Variants in SATB2 observed in about 807,000 individuals in gnomAD.
SATB2 encodes the protein DNA-binding protein SATB2.
Under a neutral mutation model 73.4 loss-of-function variants are expected in SATB2, and 1 was observed. That is an observed-to-expected ratio of 0.01 (90% confidence interval 0.00 to 0.06). SATB2 has a LOEUF of 0.06. Among genes scored for constraint, SATB2 ranks in the 10% least tolerant of loss-of-function variants. SATB2 has a pLI of 1.00. For synonymous variants in SATB2, 397 were observed against 367.0 expected (o/e 1.08, Z -0.93); for missense variants, 459 against 945.8 (o/e 0.49, Z 6.75).
chr2:199,307,424 T>C (rs951080152), intron 10 of SATB2, among the ~76,000 whole-genome samples: 1 of 151,980 alleles, frequency 6.6e-6, no homozygotes, highest in Non-Finnish European at 1.5e-5. Flanking sequence ...GCCCTGGTGG[T>C]GGATGAGACT....
At chr2:199,382,192 G>A (rs949626783) in intron 3 of SATB2, among the ~76,000 whole-genome samples, 1 of 152,164 alleles carries the variant, frequency 6.6e-6, no homozygotes, top group Non-Finnish European at 1.5e-5. Flanking sequence ...TAAGCCTTAA[G>A]TAAATATAAG....
chr2:199,338,982 T>G (rs1282315724), intron 7 of SATB2, among the ~76,000 whole-genome samples: 1 of 151,990 alleles, frequency 6.6e-6, no homozygotes, highest in Non-Finnish European at 1.5e-5. Flanking sequence ...GTTTGCTTCT[T>G]CTGATTCTCT....
chr2:199,304,536 T>G (rs1168030454), intron 10 of SATB2, among the ~76,000 whole-genome samples: 1 of 152,140 alleles, frequency 6.6e-6, no homozygotes, highest in African/African-American at 2.4e-5. Context: ...GAAATTTTAA[T>G]ACCAGAGAGA....
intron 3 of SATB2, among the ~76,000 whole-genome samples, chr2:199,417,199 A>G (rs560531383): frequency 5.8e-4 from 88 of 152,130 alleles, no homozygotes; most frequent in African/African-American, 2.1e-3. Context: ...GTAAAAGTGC[A>G]CCAAAATAAT....
intron 2 of SATB2, among the ~76,000 whole-genome samples, chr2:199,450,784 T>C (rs1295437397): frequency 1.3e-5 from 2 of 152,076 alleles, no homozygotes; most frequent in Non-Finnish European, 2.9e-5. Context: ...CAAACTTCAC[T>C]GCTTACTACT....
chr2:199,425,940 G>A (rs1691313629), intron 3 of SATB2, among the ~76,000 whole-genome samples: 1 of 152,116 alleles, frequency 6.6e-6, no homozygotes, highest in Admixed American at 6.5e-5. Flanking sequence ...AAAGCATGGG[G>A]TCTGTTGAAG....
At chr2:199,290,038 G>A (rs1270588819) in intron 10 of SATB2, among the ~76,000 whole-genome samples, 4 of 152,156 alleles carry the variant, frequency 2.6e-5, no homozygotes, top group African/African-American at 4.8e-5. Context: ...AGAAGGCCCC[G>A]TAACCTCACT....
intron 10 of SATB2, among the ~76,000 whole-genome samples, chr2:199,289,706 C>G (rs958386482): frequency 6.6e-6 from 1 of 152,136 alleles, no homozygotes; most frequent in East Asian, 1.9e-4. Flanking sequence ...GGGAATTAAT[C>G]GTTAACGCTC....
intron 1 of SATB2, chr2:199,470,353 A>G (rs560299962): frequency 1.3e-5 from 2 of 152,300 alleles, no homozygotes; most frequent in South Asian, 2.1e-4. Flanking sequence ...TGGTCTCGGG[A>G]TGCCAACTTG....
chr2:199,296,486 TTC>T (rs1453629985), intron 10 of SATB2, among the ~76,000 whole-genome samples: 1 of 151,682 alleles, frequency 6.6e-6, no homozygotes, highest in Non-Finnish European at 1.5e-5. Context: ...AGTCCAGGAG[TTC>T]GAGACTAGCC....
chr2:199,283,421 G>A (rs544943204), intron 10 of SATB2, among the ~76,000 whole-genome samples: 2 of 151,420 alleles, frequency 1.3e-5, no homozygotes, highest in Non-Finnish European at 2.9e-5. Context: ...GCTGAAATTC[G>A]CCGTGAGCTC....
chr2:199,290,686 AT>A (rs1161422748), intron 10 of SATB2, among the ~76,000 whole-genome samples: 1 of 152,242 alleles, frequency 6.6e-6, no homozygotes, highest in African/African-American at 2.4e-5. Flanking sequence ...TCCCAAAAAA[AT>A]CTGATTGAAA....
chr2:199,429,271 T>C (rs529171900), intron 3 of SATB2, among the ~76,000 whole-genome samples: 1 of 152,342 alleles, frequency 6.6e-6, no homozygotes, highest in South Asian at 2.1e-4. Flanking sequence ...TAAAATTTGA[T>C]ATTTACTTTT....
intron 6 of SATB2, among the ~76,000 whole-genome samples, chr2:199,354,039 G>A (rs921105512): frequency 6.6e-6 from 1 of 152,108 alleles, no homozygotes; most frequent in African/African-American, 2.4e-5. Flanking sequence ...AAGGCAACAC[G>A]CTTACTTATT....
intron 3 of SATB2, among the ~76,000 whole-genome samples, chr2:199,386,985 T>G (rs1374864336): frequency 6.6e-6 from 1 of 152,188 alleles, no homozygotes; most frequent in Admixed American, 6.5e-5. Flanking sequence ...GTACAATAAA[T>G]ATTCTTGGTT....
intron 7 of SATB2, among the ~76,000 whole-genome samples, chr2:199,331,485 C>G (rs554932308): frequency 6.6e-6 from 1 of 152,198 alleles, no homozygotes; most frequent in East Asian, 1.9e-4. Context: ...CACATATTAC[C>G]CCCAGAGAAT....
chr2:199,435,630 C>A (rs527440814), intron 2 of SATB2, among the ~76,000 whole-genome samples: 2 of 152,298 alleles, frequency 1.3e-5, no homozygotes, highest in South Asian at 4.2e-4. Flanking sequence ...AGGCATGAGC[C>A]ACCGTGCCTG....
chr2:199,365,646 G>A (rs1559006097), intron 6 of SATB2, among the ~76,000 whole-genome samples: 1 of 152,072 alleles, frequency 6.6e-6, no homozygotes, highest in Non-Finnish European at 1.5e-5. Flanking sequence ...TTCAAAAAAT[G>A]CACATTAAAA....
At position 199,444,064 on chromosome 2, in the gene SATB2, C is replaced by G. The variant is rs1691896821; in HGVS notation, c.170-10550G>C. On this transcript the variant is annotated intron_variant, in intron 2 of 10. Transcript: ENST00000417098. ...GCCTGTGTAATTTATAGAAATTAAT[C>G]AGAAAAACAGAACAGAGAAAACTAG... Among the ~76,000 whole-genome samples the G allele has an allele frequency of 2.0e-5, 3 of 151,958 alleles. No homozygotes were observed. The South Asian group carries it at 6.2e-4, about 32-fold the overall frequency.
Sources: gnomAD v4.1 joint callset for allele counts (sites outside exome capture counted in the v4.1 genomes callset) on GRCh38, gnomAD v4.1.1 for gene constraint, MANE v1.5 for transcripts, NCBI Gene and HGNC (gene_info 2026-07-23, HGNC 2026-07-21) for gene names.